The following MTUS2 variants were observed in gnomAD, a reference collection of about 807,000 sequenced individuals.
The protein encoded by MTUS2 is microtubule-associated tumor suppressor candidate 2.
MTUS2 carries 40 observed loss-of-function variants against 114.1 expected under a neutral mutation model. The observed-to-expected ratio is 0.35, with a 90% CI of 0.27 to 0.46. MTUS2 has a LOEUF of 0.46. MTUS2 is among the 20% of genes least tolerant of loss of function. The probability of loss-of-function intolerance (pLI) is 1.00; values close to 1 mark genes in which losing one functional copy is unlikely to be tolerated. For missense variants in MTUS2, 1,679 were observed against 1,705.4 expected (o/e 0.98, Z 0.27); for synonymous variants, 688 against 672.0 (o/e 1.02, Z -0.37).
chr13:29,140,389 G>A lies in MTUS2; in HGVS notation c.2644+39419G>A, dbSNP rs945202639. On this transcript the variant is annotated intron_variant, in intron 5 of 15. Transcript: ENST00000612955. Reference sequence around the variant, plus strand: ...TCTGGCACTGCTTACAAACAGTTGTGGCCAATGCAAGCATGACTTTGCTGT... The same window carrying A: ...TCTGGCACTGCTTACAAACAGTTGTAGCCAATGCAAGCATGACTTTGCTGT... Among the ~76,000 whole-genome samples the A allele has an allele frequency of 4.6e-5, 7 of 152,154 alleles. No individual in the cohort carries two copies. In the South Asian group the frequency reaches 1.2e-3, roughly 27 times the overall value.
At chr13:28,832,696 T>A (rs982995323) in intron 1 of MTUS2, among the ~76,000 whole-genome samples, 9 of 147,330 alleles carry the variant, frequency 6.1e-5, no homozygotes, top group South Asian at 4.2e-4. Flanking sequence ...TATATAAATA[T>A]AAATAAAAAT....
intron 5 of MTUS2, among the ~76,000 whole-genome samples, chr13:29,154,674 A>C (rs997144640): frequency 6.6e-6 from 1 of 152,244 alleles, no homozygotes; most frequent in Non-Finnish European, 1.5e-5. Flanking sequence ...ACCTGTCATC[A>C]TACAATGTGC....
chr13:29,025,567 C>T lies in MTUS2; in HGVS notation c.869C>T (p.Ser290Leu), dbSNP rs1443904265. 15 of 1,613,756 alleles carry T rather than the reference C, an allele frequency of 9.3e-6. No individual in the cohort carries two copies. The highest frequency in any genetic ancestry group is 3.3e-5 in the Admixed American group (2 of 60,000). Reference protein sequence around the residue: ...PEPALNLTLASKEIPSKLEAQ... With the variant: ...PEPALNLTLALKEIPSKLEAQ... The stretch of plus-strand genomic sequence containing the variant: ...CCTGCTCTGAATTTGACTTTGGCAT[C>T]GAAGGAAATCCCAAGTAAACTGGAA... The change falls in exon 3 of 16, where the codon TCG becomes TTG. Residue 290 changes from serine to leucine, a missense_variant. By Grantham distance (145) the Ser-to-Leu change is moderately radical (BLOSUM62 -2). This residue lies in a region of MTUS2 where 843 missense variants were observed against 770.8 expected (regional missense o/e 1.09). Coordinates refer to ENST00000612955, the MANE Select transcript of MTUS2 (RefSeq NM_001033602.4).
intron 5 of MTUS2, among the ~76,000 whole-genome samples, chr13:29,137,251 C>T (rs1235737926): frequency 6.6e-6 from 1 of 151,926 alleles, no homozygotes; most frequent in Non-Finnish European, 1.5e-5. Context: ...TAGTATGTAA[C>T]CATTTATGTC....
chr13:29,176,713 A>T lies in MTUS2; in HGVS notation c.2644+75743A>T, dbSNP rs372899996. Among the ~76,000 whole-genome samples the T allele has an allele frequency of 1.6e-3, 250 of 151,764 alleles. 17 individuals are homozygous for T. The highest frequency in any genetic ancestry group is 5.9e-3 in the African/African-American group (244 of 41,076). ...CCTCATGACTTAATCACTTCCCTAC[A>T]GGCCACACCTCTTAATACTATCACA... On this transcript the variant is annotated intron_variant, in intron 5 of 15. Coordinates refer to ENST00000612955, the MANE Select transcript of MTUS2 (RefSeq NM_001033602.4).
chr13:29,428,992 T>A (rs1876793163), intron 8 of MTUS2: 2 of 1,229,100 alleles, frequency 1.6e-6, no homozygotes, highest in Non-Finnish European at 2.4e-6. Flanking sequence ...CCCCCTAGCA[T>A]GCGTGTGCGC....
chr13:28,917,316 G>C lies in MTUS2; in HGVS notation c.-243+77466G>C, dbSNP rs529255659. 1.1e-3 allele frequency among the ~76,000 whole-genome samples: 160 copies of C among 151,844 alleles called. 1 individual carries two copies. Among genetic ancestry groups the C allele is most frequent in the Non-Finnish European group, 1.8e-3 (123 of 67,762 alleles). ...AGTGTCCTCTTATCCTCTCTTGTTT[G>C]GAATAGTTTGAGTAGGATTGGCATT... On this transcript the variant is annotated intron_variant, in intron 2 of 15. Coordinates refer to ENST00000612955, the MANE Select transcript of MTUS2 (RefSeq NM_001033602.4).
chr13:29,128,931 G>C (rs1398736408), intron 5 of MTUS2, among the ~76,000 whole-genome samples: 1 of 152,122 alleles, frequency 6.6e-6, no homozygotes, highest in Non-Finnish European at 1.5e-5. Flanking sequence ...CTTCATCTTT[G>C]ATGCCTTTAT....
Position 29,267,655 on chromosome 13 carries a change from T to A in MTUS2, c.2645-14049T>A, listed in dbSNP as rs973725750. Among the ~76,000 whole-genome samples, 5 of 152,196 alleles carry A rather than the reference T, an allele frequency of 3.3e-5. 1 individual carries two copies. The highest frequency in any genetic ancestry group is 1.2e-4 in the African/African-American group (5 of 41,436). On this transcript the variant is annotated intron_variant, in intron 5 of 15. Transcript: ENST00000612955. ...TGGGACTGATTCCTTGAAGATGGGC[T>A]GGGATTCTCTATGACCATGTGGGAA...
intron 2 of MTUS2, among the ~76,000 whole-genome samples, chr13:28,872,383 A>T (rs1181713539): frequency 6.6e-6 from 1 of 152,180 alleles, no homozygotes; most frequent in Non-Finnish European, 1.5e-5. Context: ...GTTTTTGGGA[A>T]AAAACCAAAA....
At chr13:28,826,138 A>C (rs918926349) in intron 1 of MTUS2, among the ~76,000 whole-genome samples, 3 of 152,170 alleles carry the variant, frequency 2.0e-5, no homozygotes, top group African/African-American at 7.2e-5. Flanking sequence ...AGCTATTCTA[A>C]AATGTAATGT....
chr13:28,987,693 C>T (rs554014205), intron 2 of MTUS2, among the ~76,000 whole-genome samples: 21 of 152,250 alleles, frequency 1.4e-4, no homozygotes, highest in Non-Finnish European at 2.8e-4. Flanking sequence ...CTTTCTGTTG[C>T]CAGAGTCCAC....
At chr13:29,100,157 C>T (rs887443825) in intron 4 of MTUS2, among the ~76,000 whole-genome samples, 1 of 152,134 alleles carries the variant, frequency 6.6e-6, no homozygotes. Flanking sequence ...TGAAAGGAAA[C>T]TGTGGCTTTA....
chr13:28,924,854 TTAG>T (rs1440821397), intron 2 of MTUS2, among the ~76,000 whole-genome samples: 1 of 152,120 alleles, frequency 6.6e-6, no homozygotes, highest in African/African-American at 2.4e-5. Context: ...TTAGTGAGTA[TTAG>T]TAGAGAAGCA....
chr13:29,131,409 C>G (rs1368288324), intron 5 of MTUS2, among the ~76,000 whole-genome samples: 1 of 152,238 alleles, frequency 6.6e-6, no homozygotes, highest in Admixed American at 6.5e-5. Context: ...TGGTTACCTC[C>G]TGGCTGGAAT....
chr13:29,033,166 T>A (rs76831146), intron 3 of MTUS2, among the ~76,000 whole-genome samples: 1 of 152,206 alleles, frequency 6.6e-6, no homozygotes, highest in Admixed American at 6.5e-5. Context: ...CTAGACATTG[T>A]TTTTGGTGCT....
intron 2 of MTUS2, among the ~76,000 whole-genome samples, chr13:28,911,743 C>T (rs761341931): frequency 6.6e-6 from 1 of 150,982 alleles, no homozygotes; most frequent in Non-Finnish European, 1.5e-5. Context: ...ATTTGTATTT[C>T]GTGATGATCG....
At chr13:29,450,586 T>C (rs1878614657) in intron 9 of MTUS2, among the ~76,000 whole-genome samples, 1 of 152,128 alleles carries the variant, frequency 6.6e-6, no homozygotes, top group African/African-American at 2.4e-5. Flanking sequence ...GAATGTACGT[T>C]TTCTGATTCA....
chr13:29,176,048 G>T (rs1039467610), intron 5 of MTUS2, among the ~76,000 whole-genome samples: 3 of 151,714 alleles, frequency 2.0e-5, no homozygotes, highest in Non-Finnish European at 4.4e-5. Flanking sequence ...AATTCAACTT[G>T]GTCATCAGCT....
Sources: gnomAD v4.1 joint callset for allele counts (sites outside exome capture counted in the v4.1 genomes callset) on GRCh38, gnomAD v4.1.1 for gene constraint, gnomAD v4.1.1 regional missense constraint, MANE v1.5 for transcripts, NCBI Gene and HGNC (gene_info 2026-07-23, HGNC 2026-07-21) for gene names.